Variants in CCNY observed in about 807,000 individuals in gnomAD.
CCNY encodes cyclin-Y.
A neutral mutation model predicts 42.8 loss-of-function variants in CCNY; 19 were observed. The observed-to-expected ratio is 0.44, with a 90% confidence interval of 0.31 to 0.65. The LOEUF (loss-of-function observed/expected upper bound fraction) is 0.65. Ranked by LOEUF, CCNY falls within the 30% of genes least tolerant of loss-of-function variation. CCNY has a pLI of 0.07. For synonymous variants in CCNY, 165 were observed against 162.7 expected (o/e 1.01, Z -0.11); for missense variants, 370 against 437.3 (o/e 0.85, Z 1.37).
chr10:35,334,361 T>C (rs57498092), upstream of CCNY, among the ~76,000 whole-genome samples: 1,252 of 152,354 alleles, frequency 8.2e-3, 20 homozygotes, highest in African/African-American at 0.028. Context: ...GACTTTCATA[T>C]GTGGCCCAAA....
chr10:35,316,757 T>C (rs1030277961), intron 3 of CCNY, among the ~76,000 whole-genome samples: 3 of 152,218 alleles, frequency 2.0e-5, no homozygotes, highest in Non-Finnish European at 4.4e-5. Flanking sequence ...AAGCAGAAAG[T>C]ACCAAAATAG....
At chr10:35,289,649 G>A (rs769635079) in intron 3 of CCNY, among the ~76,000 whole-genome samples, 4 of 152,006 alleles carry the variant, frequency 2.6e-5, no homozygotes, top group East Asian at 1.9e-4. Flanking sequence ...CAAGGCAGGC[G>A]GATCACCTGA....
chr10:35,493,880 C>G (rs1367753880), intron 2 of CCNY, among the ~76,000 whole-genome samples: 1 of 152,104 alleles, frequency 6.6e-6, no homozygotes, highest in African/African-American at 2.4e-5. Context: ...CTCATTTGCT[C>G]AGCTGGATTG....
chr10:35,267,289 C>CAG (rs1014204540), intron 3 of CCNY, among the ~76,000 whole-genome samples: 1 of 147,122 alleles, frequency 6.8e-6, no homozygotes, highest in Non-Finnish European at 1.5e-5. Flanking sequence ...GCCTGGGCAA[C>CAG]AGAGAGAGAT....
At chr10:35,566,254 A>T (rs1589214231) in intron 9 of CCNY, 69 bp downstream of exon 9, 1 of 1,440,492 alleles carries the variant, frequency 6.9e-7, no homozygotes, top group East Asian at 2.3e-5. Flanking sequence ...CCAGAGATGC[A>T]TGTGGTCACA....
intron 5 of CCNY, among the ~76,000 whole-genome samples, chr10:35,526,669 G>GTTTTTTTTT (rs34425324): frequency 7.0e-6 from 1 of 142,658 alleles, no homozygotes; most frequent in African/African-American, 2.6e-5. Context: ...TCCTTTCCAA[G>GTTTTTTTTT]TTTTTTTTTT....
At chr10:35,359,521 T>G (rs1836636103) in intron 1 of CCNY, among the ~76,000 whole-genome samples, 1 of 151,920 alleles carries the variant, frequency 6.6e-6, no homozygotes, top group Non-Finnish European at 1.5e-5. Context: ...TATTTTTTTT[T>G]GTAGAGGCAG....
intron 7 of CCNY, among the ~76,000 whole-genome samples, chr10:35,533,667 G>A (rs1047591064): frequency 7.9e-5 from 12 of 152,144 alleles, no homozygotes; most frequent in Non-Finnish European, 1.6e-4. Context: ...CTCCTGCACC[G>A]CACTCCCTGC....
chr10:35,432,722 A>G (rs940930289), intron 1 of CCNY, among the ~76,000 whole-genome samples: 2 of 152,250 alleles, frequency 1.3e-5, no homozygotes, highest in Non-Finnish European at 2.9e-5. Flanking sequence ...TTTGGGTTTC[A>G]TAAATTTAAT....
intron 4 of CCNY, among the ~76,000 whole-genome samples, chr10:35,517,405 T>C (rs551166312): frequency 6.6e-6 from 1 of 152,300 alleles, no homozygotes; most frequent in Admixed American, 6.5e-5. Context: ...AAAATCTGAA[T>C]TTTATCTCTA....
intron 1 of CCNY, among the ~76,000 whole-genome samples, chr10:35,344,235 A>G (rs1836249604): frequency 6.6e-6 from 1 of 152,136 alleles, no homozygotes; most frequent in Non-Finnish European, 1.5e-5. Context: ...CAGGGGATTT[A>G]TAGGGTGTGC....
At chr10:35,481,377 A>G (rs1312234153) in intron 1 of CCNY, among the ~76,000 whole-genome samples, 2 of 152,194 alleles carry the variant, frequency 1.3e-5, no homozygotes, top group African/African-American at 2.4e-5. Flanking sequence ...ACATTCTTGG[A>G]CTTAGGAGCA....
chr10:35,482,749 GGTGTGTGTGTGTGTGTGTGT>G (rs56033862), intron 1 of CCNY, among the ~76,000 whole-genome samples: 152 of 128,940 alleles, frequency 1.2e-3, no homozygotes, highest in Middle Eastern at 4.0e-3. Context: ...GCTGGAAATA[GGTGTGTGTGTGTGTGTGTGT>G]GTGTGTGTGT....
chr10:35,477,563 G>A (rs1839544668), intron 1 of CCNY, among the ~76,000 whole-genome samples: 1 of 152,054 alleles, frequency 6.6e-6, no homozygotes, highest in African/African-American at 2.4e-5. Flanking sequence ...TAGATGCAAA[G>A]AAGGCCTTTG....
At chr10:35,253,899 G>A (rs1391908720) in intron 3 of CCNY, among the ~76,000 whole-genome samples, 6 of 141,346 alleles carry the variant, frequency 4.2e-5, no homozygotes, top group South Asian at 2.3e-4. Context: ...TTTTTGAGAC[G>A]GAGTCTCACT....
At chr10:35,412,202 G>T (rs1173428186) in intron 1 of CCNY, among the ~76,000 whole-genome samples, 1 of 152,210 alleles carries the variant, frequency 6.6e-6, no homozygotes, top group African/African-American at 2.4e-5. Flanking sequence ...GGGGGCAGAG[G>T]GGGAAGTTGT....
intron 1 of CCNY, among the ~76,000 whole-genome samples, chr10:35,437,986 G>T (rs1258311551): frequency 6.6e-6 from 1 of 152,054 alleles, no homozygotes; most frequent in Non-Finnish European, 1.5e-5. Context: ...TACTCTGATC[G>T]CTGGATGCCA....
chr10:35,440,407 C>T (rs1338199360), intron 1 of CCNY, among the ~76,000 whole-genome samples: 1 of 152,218 alleles, frequency 6.6e-6, no homozygotes, highest in Non-Finnish European at 1.5e-5. Flanking sequence ...AACTGCTCAA[C>T]TCTGCTGTTG....
Position 35,247,898 on chromosome 10 carries a change from A to AAAAG in CCNY, c.-216-195_-216-192dup, listed in dbSNP as rs779778751. On this transcript the variant is annotated intron_variant, in intron 1 of 11. Coordinates refer to the CCNY transcript ENST00000374706. ...CTCAAAAAAAAAAAAAAAAGAAAAG[A>AAAAG]AAAGAAAGAAAGAAAGAAAAGAATA... Among the ~76,000 whole-genome samples, 8 of 150,954 alleles carry AAAAG rather than the reference A, an allele frequency of 5.3e-5. No homozygotes were observed. In the South Asian group the frequency reaches 6.2e-4, roughly 12 times the overall value.
Sources: gnomAD v4.1 joint callset for allele counts (sites outside exome capture counted in the v4.1 genomes callset) on GRCh38, gnomAD v4.1.1 for gene constraint, MANE v1.5 for transcripts, NCBI Gene and HGNC (gene_info 2026-07-23, HGNC 2026-07-21) for gene names.